Variants in IL1RAPL2 observed in about 807,000 individuals in gnomAD.
IL1RAPL2 encodes the protein X-linked interleukin-1 receptor accessory protein-like 2.
IL1RAPL2 carries 3 observed loss-of-function variants against 44.1 expected under a neutral mutation model. The observed-to-expected ratio is 0.07, with a 90% confidence interval of 0.03 to 0.18. The LOEUF (loss-of-function observed/expected upper bound fraction) is 0.18. IL1RAPL2 is among the 10% of genes least tolerant of loss of function. IL1RAPL2 has a pLI of 1.00. For missense variants in IL1RAPL2, 391 were observed against 496.4 expected, an observed-to-expected ratio of 0.79 and a Z score of 2.02; for synonymous variants, 181 against 178.8, an observed-to-expected ratio of 1.01 and a Z score of -0.10.
chrX:104,932,629 G>A (rs947490355), intron 2 of IL1RAPL2, among the ~76,000 whole-genome samples: 3 of 111,925 alleles, frequency 2.7e-5, no homozygotes, highest in Non-Finnish European at 5.6e-5. Context: ...CATGTACCAT[G>A]GCCTTCACAT....
chrX:104,986,099 C>T (rs920208026), intron 2 of IL1RAPL2, among the ~76,000 whole-genome samples: 2 of 112,019 alleles, frequency 1.8e-5, no homozygotes, highest in African/African-American at 6.5e-5. Context: ...AAAAGTTTTC[C>T]TGTTTATCTC....
At chrX:105,596,415 C>T (rs1349099459) in intron 6 of IL1RAPL2, among the ~76,000 whole-genome samples, 7 of 109,731 alleles carry the variant, frequency 6.4e-5, no homozygotes, top group Non-Finnish European at 9.5e-5. Flanking sequence ...CTTTTTTGAC[C>T]ATTGGTTGTT....
chrX:105,311,701 TA>T (rs929353635), intron 5 of IL1RAPL2, among the ~76,000 whole-genome samples: 5 of 109,560 alleles, frequency 4.6e-5, no homozygotes, highest in African/African-American at 6.6e-5. Context: ...ATTGTATTTA[TA>T]CTTATTTGTA....
intron 1 of IL1RAPL2, among the ~76,000 whole-genome samples, chrX:104,604,633 CAAAAA>C (rs36050333): frequency 1.9e-4 from 6 of 31,094 alleles, no homozygotes; most frequent in Admixed American, 5.3e-4. Flanking sequence ...AAATGCATAG[CAAAAA>C]AAAAAAAAAA....
chrX:104,831,146 T>C (rs1258798658), intron 2 of IL1RAPL2, among the ~76,000 whole-genome samples: 4 of 111,814 alleles, frequency 3.6e-5, no homozygotes, highest in Non-Finnish European at 7.5e-5. Context: ...TGTTTCTTCT[T>C]AGGTATTTTG....
intron 2 of IL1RAPL2, among the ~76,000 whole-genome samples, chrX:104,673,780 G>A (rs1460233341): frequency 1.9e-5 from 2 of 107,766 alleles, no homozygotes; most frequent in Admixed American, 9.9e-5. Context: ...TCCTTGAGCA[G>A]TGGTTTGTAG....
intron 1 of IL1RAPL2, among the ~76,000 whole-genome samples, chrX:104,585,306 T>TTATA (rs1395159341): frequency 4.7e-5 from 1 of 21,157 alleles, no homozygotes; most frequent in Non-Finnish European, 6.8e-5. Context: ...ATATTATATA[T>TTATA]TATATAATAT....
intron 2 of IL1RAPL2, among the ~76,000 whole-genome samples, chrX:104,894,395 A>G (rs1923570049): frequency 8.9e-6 from 1 of 111,779 alleles, no homozygotes; most frequent in Admixed American, 9.5e-5. Context: ...ACTTGGTTCC[A>G]TTCTCCTTGT....
chrX:105,103,344 T>G (rs1022055209), intron 2 of IL1RAPL2, among the ~76,000 whole-genome samples: 3 of 111,882 alleles, frequency 2.7e-5, no homozygotes, highest in African/African-American at 9.7e-5. Context: ...AAGAAGGCCC[T>G]GTTTGCTCTG....
At chrX:104,586,438 CTTAGT>C (rs1317790943) in intron 1 of IL1RAPL2, among the ~76,000 whole-genome samples, 2 of 111,606 alleles carry the variant, frequency 1.8e-5, no homozygotes, top group Non-Finnish European at 3.8e-5. Context: ...GCAGAAGCTC[CTTAGT>C]TTAATTAGAT....
chrX:105,654,840 A>T (rs1383269948), intron 6 of IL1RAPL2, among the ~76,000 whole-genome samples: 5 of 111,760 alleles, frequency 4.5e-5, no homozygotes, highest in Admixed American at 9.5e-5. Flanking sequence ...TTCTCCTGTC[A>T]TCAGAATTTG....
intron 6 of IL1RAPL2, among the ~76,000 whole-genome samples, chrX:105,619,286 G>C (rs1000240818): frequency 1.8e-5 from 2 of 109,203 alleles, no homozygotes; most frequent in Non-Finnish European, 3.8e-5. Context: ...ATAAAGGTAA[G>C]ATTGATTATG....
intron 2 of IL1RAPL2, among the ~76,000 whole-genome samples, chrX:105,006,043 T>G (rs1287012566): frequency 2.7e-5 from 3 of 111,146 alleles, no homozygotes; most frequent in East Asian, 5.7e-4. Flanking sequence ...GATTTTTATC[T>G]TTACCTAATG....
intron 2 of IL1RAPL2, among the ~76,000 whole-genome samples, chrX:105,067,858 C>T (rs1474403079): frequency 5.4e-5 from 6 of 112,050 alleles, no homozygotes; most frequent in Non-Finnish European, 1.1e-4. Context: ...GAGACCCTTT[C>T]CATCTCCTTT....
intron 5 of IL1RAPL2, among the ~76,000 whole-genome samples, chrX:105,363,588 C>T (rs1452359507): frequency 9.2e-6 from 1 of 108,300 alleles, no homozygotes; most frequent in Non-Finnish European, 1.9e-5. Context: ...CTTTTTTCTC[C>T]ATATCTTTGC....
intron 6 of IL1RAPL2, among the ~76,000 whole-genome samples, chrX:105,691,793 G>A (rs210427): frequency 9.1e-6 from 1 of 110,285 alleles, no homozygotes; most frequent in Non-Finnish European, 1.9e-5. Context: ...ATAGAATAAA[G>A]TAGTAATGAG....
chrX:104,965,584 C>T (rs187745204), intron 2 of IL1RAPL2, among the ~76,000 whole-genome samples: 1 of 111,450 alleles, frequency 9.0e-6, no homozygotes, highest in African/African-American at 3.3e-5. Context: ...ATAAAACTGA[C>T]ACTGAAGTAG....
At chrX:105,243,584 TGTGTATATATATATATA>T (rs1569412034) in intron 4 of IL1RAPL2, among the ~76,000 whole-genome samples, 1 of 80,514 alleles carries the variant, frequency 1.2e-5, no homozygotes, top group African/African-American at 1.0e-4. Context: ...TATATATATA[TGTGTATATATATATATA>T]TATATTTTTT....
intron 2 of IL1RAPL2, among the ~76,000 whole-genome samples, chrX:104,674,580 T>A (rs1026544981): frequency 2.3e-4 from 26 of 111,392 alleles, no homozygotes; most frequent in Non-Finnish European, 4.7e-4. Flanking sequence ...TGTCTCTGCC[T>A]GGCTTTGGTA....
Sources: allele counts gnomAD v4.1 joint callset (sites outside exome capture counted in the v4.1 genomes callset), GRCh38; gene constraint gnomAD v4.1.1; transcripts MANE v1.5; gene names NCBI Gene and HGNC (gene_info 2026-07-23, HGNC 2026-07-21).